The following PDCD6IP variants were observed in gnomAD, a reference collection of about 807,000 sequenced individuals.
The protein encoded by PDCD6IP is programmed cell death 6 interacting protein, also known as programmed cell death 6-interacting protein.
PDCD6IP carries 43 observed loss-of-function variants against 103.7 expected under a neutral mutation model. The observed-to-expected ratio is 0.41, with a 90% CI of 0.32 to 0.53. The LOEUF (loss-of-function observed/expected upper bound fraction) is 0.53. Ranked by LOEUF, PDCD6IP falls within the 20% of genes least tolerant of loss-of-function variation. PDCD6IP has a pLI of 0.16. For synonymous variants in PDCD6IP, 354 were observed against 378.7 expected (o/e 0.93, Z 0.76); for missense variants, 871 against 1,036.7 (o/e 0.84, Z 2.20).
chr3:33,828,771 T>C lies in PDCD6IP; in HGVS notation c.718-82T>C, dbSNP rs1697184379. 4 of 1,504,322 alleles carry C rather than the reference T, an allele frequency of 2.7e-6. No homozygotes were observed. In the South Asian group the frequency reaches 3.5e-5, roughly 13 times the overall value. 93.2% of individuals were successfully genotyped at this position (1,504,322 alleles called of 1,614,324 possible). A position where few individuals can be genotyped will look rare whatever the true frequency, so the allele number is the denominator to read the frequency against. ...GGGTGATTCTAATTTCTGTCTTCTT[T>C]TCCTTTTTCTTCCTGCATCCCATGT... is the stretch of plus-strand genomic sequence containing the variant. On this transcript the variant is annotated intron_variant, in intron 6 of 17. Coordinates refer to ENST00000307296, the MANE Select transcript of PDCD6IP (RefSeq NM_013374.6).
intron 15 of PDCD6IP, 79 bp downstream of exon 15, chr3:33,855,339 T>C: frequency 1.2e-6 from 1 of 846,136 alleles, no homozygotes. Flanking sequence ...GGTATGAACT[T>C]GGTAGTATGA....
At chr3:33,833,683 T>G (rs769503308) in intron 7 of PDCD6IP, among the ~76,000 whole-genome samples, 1 of 152,234 alleles carries the variant, frequency 6.6e-6, no homozygotes, top group Non-Finnish European at 1.5e-5. Flanking sequence ...CATGCTGTTT[T>G]CATCTGCTTT....
At chr3:33,813,071 C>T (rs1257357520) in intron 2 of PDCD6IP, among the ~76,000 whole-genome samples, 5 of 152,040 alleles carry the variant, frequency 3.3e-5, no homozygotes, top group Non-Finnish European at 5.9e-5. Flanking sequence ...GAACAAATCA[C>T]GGGTATAGCT....
intron 1 of PDCD6IP, among the ~76,000 whole-genome samples, chr3:33,800,813 C>T (rs1274738053): frequency 2.0e-5 from 3 of 152,116 alleles, no homozygotes; most frequent in Admixed American, 2.0e-4. Context: ...GGTTCCAGCC[C>T]TCAGATTTGG....
intron 1 of PDCD6IP, 45 bp from the exon 2 acceptor site, chr3:33,812,027 G>A (rs756001778): frequency 6.4e-7 from 1 of 1,555,374 alleles, no homozygotes; most frequent in South Asian, 1.2e-5. Flanking sequence ...ATAAATGCAT[G>A]TAATATTTAG....
intron 8 of PDCD6IP, among the ~76,000 whole-genome samples, chr3:33,837,574 G>A (rs1264777125): frequency 1.3e-5 from 2 of 151,650 alleles, no homozygotes; most frequent in African/African-American, 2.4e-5. Flanking sequence ...TCCTGCTGCC[G>A]TGACCCACTC....
chr3:33,804,303 C>T (rs1696543836), intron 1 of PDCD6IP, among the ~76,000 whole-genome samples: 1 of 152,196 alleles, frequency 6.6e-6, no homozygotes, highest in Non-Finnish European at 1.5e-5. Flanking sequence ...TATGGAATTT[C>T]CCAAGGCTCC....
chr3:33,852,409 T>C, intron 12 of PDCD6IP, 79 bp from the exon 13 acceptor site: 1 of 1,468,520 alleles, frequency 6.8e-7, no homozygotes, highest in Non-Finnish European at 9.0e-7. Context: ...GAATGAACCT[T>C]TATATATTAT....
At chr3:33,817,646 AG>A (rs1347689699) in intron 3 of PDCD6IP, among the ~76,000 whole-genome samples, 9 of 151,914 alleles carry the variant, frequency 5.9e-5, no homozygotes, top group African/African-American at 2.2e-4. Context: ...CTAGCTGTTT[AG>A]GGGGTTGAGG....
intron 3 of PDCD6IP, 64 bp from the exon 4 acceptor site, chr3:33,821,891 T>A (rs887593069): frequency 2.0e-6 from 3 of 1,493,158 alleles, no homozygotes; most frequent in Non-Finnish European, 2.7e-6. Flanking sequence ...GTATTTCTCT[T>A]TGAAACATTT....
At chr3:33,850,874 C>G (rs1697698342) in intron 12 of PDCD6IP, among the ~76,000 whole-genome samples, 1 of 151,886 alleles carries the variant, frequency 6.6e-6, no homozygotes, top group Admixed American at 6.6e-5. Flanking sequence ...TCCCCTGTAC[C>G]CTCTTCTTTC....
intron 3 of PDCD6IP, among the ~76,000 whole-genome samples, chr3:33,815,664 C>G (rs758823342): frequency 3.3e-5 from 5 of 152,142 alleles, no homozygotes; most frequent in Non-Finnish European, 5.9e-5. Context: ...ACTGAATTTG[C>G]TGACTACCAG....
chr3:33,817,928 C>A (rs904881470), intron 3 of PDCD6IP, among the ~76,000 whole-genome samples: 3 of 151,674 alleles, frequency 2.0e-5, no homozygotes, highest in Non-Finnish European at 2.9e-5. Context: ...TAAAATAGCT[C>A]TTATATGTAA....
In PDCD6IP at chr3:33,844,150, T is replaced by C. The variant is rs751494517; in HGVS notation, c.1398T>C (p.Asn466=). 21 of 1,608,600 alleles carry C rather than the reference T, an allele frequency of 1.3e-5. No individual in the cohort carries two copies. Among genetic ancestry groups the C allele is most frequent in the Admixed American group, 1.7e-5 (1 of 58,146 alleles). Residue 466 remains asparagine, a synonymous_variant, in exon 11 of 18, where the codon AAT becomes AAC. Transcript: ENST00000307296. ...RLLDEEEATD[N]DLRAKFKERW... is the part of the protein sequence containing the mutation. ...TGGATGAAGAAGAAGCAACCGATAA[T>C]GATTTAAGAGCAAAATTTAAGGAAC...
chr3:33,819,431 G>T (rs749332131), intron 3 of PDCD6IP, among the ~76,000 whole-genome samples: 5 of 152,018 alleles, frequency 3.3e-5, no homozygotes, highest in Middle Eastern at 3.2e-3. Context: ...TTTTCAGTTC[G>T]CATTGCTCTT....
intron 1 of PDCD6IP, among the ~76,000 whole-genome samples, chr3:33,804,625 G>C (rs1276259867): frequency 6.6e-6 from 1 of 152,196 alleles, no homozygotes; most frequent in Non-Finnish European, 1.5e-5. Flanking sequence ...CTGGTGTTTA[G>C]TAAATCTTAT....
chr3:33,799,133 T>C, intron 1 of PDCD6IP, 196 bp downstream of exon 1: 1 of 606,182 alleles, frequency 1.6e-6, no homozygotes, highest in South Asian at 2.1e-5. Context: ...ACTGCCCGCT[T>C]GTCCTGCCTG....
chr3:33,802,606 C>T (rs1696502322), intron 1 of PDCD6IP, among the ~76,000 whole-genome samples: 1 of 151,870 alleles, frequency 6.6e-6, no homozygotes, highest in Admixed American at 6.6e-5. Context: ...TCTCCTGCCT[C>T]AGCCTCCTGA....
At chr3:33,863,935 G>T in intron 15 of PDCD6IP, 71 bp from the exon 16 acceptor site, 1 of 993,164 alleles carries the variant, frequency 1.0e-6, no homozygotes, top group Non-Finnish European at 1.6e-6. Context: ...ATGAAGAAAA[G>T]AAAAGCTGAT....
Sources: gnomAD v4.1 joint callset for allele counts (sites outside exome capture counted in the v4.1 genomes callset) on GRCh38, gnomAD v4.1.1 for gene constraint, MANE v1.5 for transcripts, NCBI Gene and HGNC (gene_info 2026-07-23, HGNC 2026-07-21) for gene names.